CDHR2: variants seen among roughly 807,000 people sequenced by gnomAD.
The protein encoded by CDHR2 is cadherin-related family member 2.
Under a neutral mutation model 138.6 loss-of-function variants are expected in CDHR2, and 104 were observed. That is an observed-to-expected ratio of 0.75 (90% CI 0.64 to 0.88). CDHR2 has a LOEUF of 0.88. Ranked by LOEUF, CDHR2 falls within the 40% of genes least tolerant of loss-of-function variation. CDHR2 has a pLI of 0.00. For missense variants in CDHR2, 1,624 were observed against 1,727.6 expected, an observed-to-expected ratio of 0.94 and a Z score of 1.06; for synonymous variants, 755 against 742.8, an observed-to-expected ratio of 1.02 and a Z score of -0.27.
chr5:176,560,226 G>A (rs1377486498), intron 1 of CDHR2, among the ~76,000 whole-genome samples: 3 of 151,972 alleles, frequency 2.0e-5, no homozygotes, highest in Admixed American at 6.5e-5. Flanking sequence ...GTGAAACCCC[G>A]TCTCTACTAA....
intron 5 of CDHR2, among the ~76,000 whole-genome samples, chr5:176,570,304 C>A (rs1033100744): frequency 6.6e-6 from 1 of 152,176 alleles, no homozygotes; most frequent in African/African-American, 2.4e-5. Flanking sequence ...GCAAACAAAG[C>A]GAACGTGCAC....
At chr5:176,586,885 G>C (rs777336409) in intron 21 of CDHR2, 43 bp downstream of exon 21, 1 of 1,553,232 alleles carries the variant, frequency 6.4e-7, no homozygotes, top group Non-Finnish European at 8.8e-7. Context: ...ATGAGCCCCA[G>C]GGGACACAGG....
At chr5:176,593,667 C>T (rs1409927592) in intron 31 of CDHR2, among the ~76,000 whole-genome samples, 2 of 152,244 alleles carry the variant, frequency 1.3e-5, no homozygotes, top group East Asian at 1.9e-4. Context: ...CATTTTCCCC[C>T]AGTCTGGGTT....
chr5:176,552,869 C>T (rs975617440), intron 1 of CDHR2, among the ~76,000 whole-genome samples: 1 of 152,230 alleles, frequency 6.6e-6, no homozygotes, highest in Non-Finnish European at 1.5e-5. Context: ...GCCTCCTGCA[C>T]TCATGTCTGT....
rs752610424 is a variant in CDHR2, at chr5:176,575,069, T to A, written c.496-15T>A. The A allele has an allele frequency of 6.2e-7, 1 of 1,613,822 alleles. No homozygotes were observed. The highest frequency in any genetic ancestry group is 1.1e-5 in the South Asian group (1 of 91,076). On this transcript the variant is annotated splice_polypyrimidine_tract_variant and intron_variant, in intron 7 of 31. Transcript: ENST00000261944. Reference sequence around the variant, plus strand: ...CTGTCCCTAGGGAGCCTGACCCAAGTCTGCTCTGCCCCAGGTCATCCCTAG... The same window carrying A: ...CTGTCCCTAGGGAGCCTGACCCAAGACTGCTCTGCCCCAGGTCATCCCTAG...
At chr5:176,567,264 C>G (rs1288469228) in intron 3 of CDHR2, 1 of 222,840 alleles carries the variant, frequency 4.5e-6, no homozygotes, top group Non-Finnish European at 9.0e-6. Context: ...ACCTCCTGGG[C>G]TCAACTGATC....
Position 176,543,620 on chromosome 5 carries a change from C to T in CDHR2, c.-16+851C>T, listed in dbSNP as rs569992550. 2.6e-5 allele frequency: 4 copies of T among 152,194 alleles called. No individual in the cohort carries two copies. The East Asian group carries it at 5.8e-4, about 22-fold the overall frequency. 9.4% of individuals were successfully genotyped at this position (152,194 alleles called of 1,614,324 possible). A position where few individuals can be genotyped will look rare whatever the true frequency, so the allele number is the denominator to read the frequency against. On this transcript the variant is annotated intron_variant, in intron 1 of 31. Transcript: ENST00000510636. The surrounding 1 kb of genome is among the most constrained non-coding windows in gnomAD (Gnocchi z 4.0). ...CCTTGGAGGAGTGACTTCGTTTTCTCGCCTGTGAAAAGGGAAACAATACGA... is the reference window on the plus strand; with the variant it reads ...CCTTGGAGGAGTGACTTCGTTTTCTTGCCTGTGAAAAGGGAAACAATACGA...
At position 176,595,610 on chromosome 5, in the gene CDHR2, G is replaced by A. The variant is rs749523542; in HGVS notation, c.3871G>A (p.Ala1291Thr). The change falls in exon 32 of 32, where the codon GCA becomes ACA. Residue 1291 changes from alanine (A) to threonine (T), a missense_variant. Transcript: ENST00000261944. ...SVVLLGRQAGASGQLEGPSYT... is the reference protein window; with the variant it reads ...SVVLLGRQAGTSGQLEGPSYT... ...GGTCCTGTTAGGACGGCAGGCAGGCGCAAGTGGACAGCTGGAGGGGCCATC... is the reference window on the plus strand; with the variant it reads ...GGTCCTGTTAGGACGGCAGGCAGGCACAAGTGGACAGCTGGAGGGGCCATC... The A allele has an allele frequency of 1.7e-5, 27 of 1,612,532 alleles. No homozygotes were observed. The highest frequency in any genetic ancestry group is 5.0e-5 in the Admixed American group (3 of 59,892).
intron 5 of CDHR2, among the ~76,000 whole-genome samples, chr5:176,570,017 A>G (rs1758187312): frequency 6.6e-6 from 1 of 151,544 alleles, no homozygotes; most frequent in Non-Finnish European, 1.5e-5. Context: ...TTTCCAGCTC[A>G]CTCCCACTGA....
In CDHR2 at chr5:176,584,541, G is replaced by T. The variant is rs758655460; in HGVS notation, c.2260G>T (p.Ala754Ser). 9 of 1,613,000 alleles carry T rather than the reference G, an allele frequency of 5.6e-6. No homozygotes were observed. The highest frequency in any genetic ancestry group is 7.6e-6 in the Non-Finnish European group (9 of 1,179,414). The change falls in exon 19 of 32, where the codon GCT becomes TCT. Residue 754 changes from alanine (A) to serine (S), a missense_variant. By Grantham distance (99) the Ala-to-Ser change is moderately conservative (BLOSUM62 1). Coordinates refer to ENST00000261944, the MANE Select transcript of CDHR2 (RefSeq NM_017675.6). Reference protein sequence around the residue: ...IRGLVLGAGWAEGYLRLPPDV... With the variant: ...IRGLVLGAGWSEGYLRLPPDV... Reference sequence around the variant, plus strand: ...AGGCTTGGTGCTGGGGGCTGGGTGGGCTGAGGGCTACCTCCGGCTGCCCCC... The same window carrying T: ...AGGCTTGGTGCTGGGGGCTGGGTGGTCTGAGGGCTACCTCCGGCTGCCCCC...
intron 30 of CDHR2, among the ~76,000 whole-genome samples, chr5:176,592,343 T>C (rs1213498897): frequency 7.0e-6 from 1 of 143,856 alleles, no homozygotes; most frequent in Non-Finnish European, 1.5e-5. Context: ...GTGATGGTGG[T>C]GATGGTGATG....
At chr5:176,587,174 A>G (rs7716925) in intron 21 of CDHR2, among the ~76,000 whole-genome samples, 102,710 of 152,162 alleles carry the variant, frequency 0.68, 35,122 homozygotes, top group Non-Finnish European at 0.71. Context: ...CCAGCTGGGC[A>G]CGGTGGCTCA....
chr5:176,595,465 C>G, intron 31 of CDHR2, 67 bp from the exon 32 acceptor site: 1 of 1,480,380 alleles, frequency 6.8e-7, no homozygotes, highest in Non-Finnish European at 9.0e-7. Flanking sequence ...CCATCCACTC[C>G]CCTAGGGCCT....
chr5:176,590,173 G>C, intron 25 of CDHR2, 27 bp downstream of exon 25: 2 of 1,612,276 alleles, frequency 1.2e-6, no homozygotes, highest in Non-Finnish European at 1.7e-6. Flanking sequence ...CTGGGGGTGG[G>C]GTTGAGGGGG....
At chr5:176,581,610 C>T (rs777166653) in intron 17 of CDHR2, 28 bp downstream of exon 17, 1 of 1,599,108 alleles carries the variant, frequency 6.3e-7, no homozygotes, top group Non-Finnish European at 8.5e-7. Context: ...CAGGATGGGC[C>T]TGGGGGCCTC....
At chr5:176,595,082 TCA>T (rs1347166709) in intron 31 of CDHR2, among the ~76,000 whole-genome samples, 2 of 152,166 alleles carry the variant, frequency 1.3e-5, no homozygotes, top group African/African-American at 2.4e-5. Flanking sequence ...TCTCTAAGCC[TCA>T]GTTTCCACAT....
chr5:176,564,311 G>A (rs1758034283), intron 1 of CDHR2, among the ~76,000 whole-genome samples: 1 of 152,242 alleles, frequency 6.6e-6, no homozygotes, highest in Middle Eastern at 3.4e-3. Context: ...TCAGACTCCC[G>A]AGTAGCTGGG....
chr5:176,589,117 C>T lies in CDHR2; in HGVS notation c.2943C>T (p.Ile981=). Residue 981 remains isoleucine, a synonymous_variant, in exon 22 of 32, where the codon ATC becomes ATT. Coordinates refer to ENST00000261944, the MANE Select transcript of CDHR2 (RefSeq NM_017675.6). ...VDFISKDGAT[I]PFQGVFSIFT... ...TCATCTCTAAGGACGGGGCCACCAT[C>T]CCTTTCCAGGGTGTCTTCTCGATCT... is the stretch of plus-strand genomic sequence containing the variant. The T allele has an allele frequency of 6.2e-7, 1 of 1,614,108 alleles. No homozygotes were observed. Among genetic ancestry groups the T allele is most frequent in the Non-Finnish European group, 8.5e-7 (1 of 1,180,012 alleles).
At chr5:176,546,829 A>G (rs953069654), upstream of CDHR2, among the ~76,000 whole-genome samples, 2 of 150,916 alleles carry the variant, frequency 1.3e-5, no homozygotes, top group Non-Finnish European at 2.9e-5. Flanking sequence ...TAACCCCTGC[A>G]TTGTAATAGT....
Sources: allele counts gnomAD v4.1 joint callset (sites outside exome capture counted in the v4.1 genomes callset), GRCh38; gene constraint gnomAD v4.1.1; non-coding constraint Gnocchi (gnomAD v3.1); transcripts MANE v1.5; gene names NCBI Gene and HGNC (gene_info 2026-07-23, HGNC 2026-07-21).